The following SCFD2 variants were observed in gnomAD, a reference collection of about 807,000 sequenced individuals.
SCFD2 encodes the protein sec1 family domain-containing protein 2.
A neutral mutation model predicts 58.9 loss-of-function variants in SCFD2; 54 were observed. That is an observed-to-expected ratio of 0.92 (90% CI 0.74 to 1.15). The LOEUF (loss-of-function observed/expected upper bound fraction) is 1.15. Among genes scored for constraint, SCFD2 ranks in the 50% most tolerant of loss-of-function variants. The probability of loss-of-function intolerance (pLI) is 0.00; values close to 1 mark genes in which losing one functional copy is unlikely to be tolerated. For synonymous variants in SCFD2, 321 were observed against 335.9 expected (o/e 0.96, Z 0.49); for missense variants, 805 against 836.6 (o/e 0.96, Z 0.47).
chr4:53,134,028 T>C (rs1038891823), intron 5 of SCFD2, among the ~76,000 whole-genome samples: 1 of 152,214 alleles, frequency 6.6e-6, no homozygotes, highest in African/African-American at 2.4e-5. Flanking sequence ...TTCTGTAATA[T>C]GTGACAACAT....
intron 4 of SCFD2, among the ~76,000 whole-genome samples, chr4:53,243,171 C>G (rs1729954756): frequency 6.6e-6 from 1 of 152,124 alleles, no homozygotes; most frequent in African/African-American, 2.4e-5. Flanking sequence ...CCCCAAGACA[C>G]ATAATTAACA....
At chr4:52,885,340 T>C (rs1718712713) in intron 8 of SCFD2, among the ~76,000 whole-genome samples, 1 of 152,052 alleles carries the variant, frequency 6.6e-6, no homozygotes, top group Non-Finnish European at 1.5e-5. Context: ...AGAATAGGGA[T>C]AACAGTACCT....
intron 5 of SCFD2, chr4:52,948,365 T>C (rs748043842): frequency 1.9e-5 from 6 of 308,256 alleles, no homozygotes; most frequent in African/African-American, 6.6e-5. Context: ...TGCGGCACCA[T>C]AGAAGAAACA....
intron 5 of SCFD2, among the ~76,000 whole-genome samples, chr4:53,088,826 G>A (rs1451859096): frequency 6.6e-6 from 1 of 152,022 alleles, no homozygotes; most frequent in African/African-American, 2.4e-5. Context: ...AATTTTGGGA[G>A]GCAAGGGGTG....
chr4:52,920,506 A>G (rs1006413208), intron 6 of SCFD2, among the ~76,000 whole-genome samples: 1 of 152,092 alleles, frequency 6.6e-6, no homozygotes, highest in African/African-American at 2.4e-5. Flanking sequence ...CTGACTCCCA[A>G]CTCAGTGCTC....
At chr4:53,189,084 T>C (rs989244949) in intron 4 of SCFD2, among the ~76,000 whole-genome samples, 1 of 152,198 alleles carries the variant, frequency 6.6e-6, no homozygotes, top group Non-Finnish European at 1.5e-5. Flanking sequence ...TGACAAGAAT[T>C]ATCAGCCTTA....
At chr4:52,917,604 G>C (rs1719639047) in intron 6 of SCFD2, among the ~76,000 whole-genome samples, 2 of 152,118 alleles carry the variant, frequency 1.3e-5, no homozygotes, top group African/African-American at 4.8e-5. Context: ...TTTAAGTCAA[G>C]AGCTTCTGTG....
chr4:53,138,778 A>G (rs1726017486), intron 5 of SCFD2, among the ~76,000 whole-genome samples: 1 of 152,200 alleles, frequency 6.6e-6, no homozygotes, highest in African/African-American at 2.4e-5. Flanking sequence ...GCCTTTCCAT[A>G]CAAGGGAAGA....
intron 5 of SCFD2, chr4:52,957,075 G>A (rs1475428152): frequency 6.6e-6 from 1 of 152,208 alleles, no homozygotes; most frequent in African/African-American, 2.4e-5. Context: ...GGGGATCAGA[G>A]ACACCCCACA....
At chr4:53,151,673 A>T (rs185329753) in intron 4 of SCFD2, among the ~76,000 whole-genome samples, 8 of 152,316 alleles carry the variant, frequency 5.3e-5, no homozygotes, top group African/African-American at 1.9e-4. Context: ...CATCATGCTA[A>T]GCTTCTGCTG....
intron 4 of SCFD2, among the ~76,000 whole-genome samples, chr4:53,236,808 TTTTATTTATTTATTTATTTA>T (rs141143179): frequency 3.6e-5 from 5 of 138,300 alleles, no homozygotes; most frequent in East Asian, 2.0e-4. Flanking sequence ...AAAGTCACTG[TTTTATTTATTTATTTATTTA>T]TTTATTTATT....
intron 5 of SCFD2, among the ~76,000 whole-genome samples, chr4:52,981,842 G>C (rs977693633): frequency 3.9e-5 from 6 of 152,178 alleles, no homozygotes; most frequent in Non-Finnish European, 7.3e-5. Context: ...CTAGGATCTG[G>C]TCTGTGTTAT....
chr4:52,937,614 A>G (rs187998899), intron 5 of SCFD2, among the ~76,000 whole-genome samples: 16 of 152,296 alleles, frequency 1.1e-4, no homozygotes, highest in Admixed American at 5.9e-4. Flanking sequence ...AAACACAATA[A>G]TCATCCAAAT....
At chr4:53,049,936 C>A (rs182433580) in intron 5 of SCFD2, among the ~76,000 whole-genome samples, 1 of 152,132 alleles carries the variant, frequency 6.6e-6, no homozygotes, top group East Asian at 1.9e-4. Flanking sequence ...CTTTGATTGG[C>A]ATGTATTCAT....
intron 2 of SCFD2, among the ~76,000 whole-genome samples, chr4:53,317,138 A>G (rs1212888578): frequency 6.6e-6 from 1 of 151,994 alleles, no homozygotes; most frequent in African/African-American, 2.4e-5. Context: ...GAATGTCTAG[A>G]TATGTGTGAG....
chr4:53,346,277 CTTT>C (rs58195090), intron 2 of SCFD2, among the ~76,000 whole-genome samples: 1 of 135,244 alleles, frequency 7.4e-6, no homozygotes, highest in Non-Finnish European at 1.6e-5. Context: ...CTTTTTTTTT[CTTT>C]TTTTTTTTTT....
At chr4:53,235,813 G>A (rs936384018) in intron 4 of SCFD2, among the ~76,000 whole-genome samples, 15 of 152,218 alleles carry the variant, frequency 9.9e-5, no homozygotes, top group South Asian at 2.1e-4. Context: ...GCATACATAC[G>A]TGTGTGCATA....
intron 4 of SCFD2, among the ~76,000 whole-genome samples, chr4:53,160,726 C>T (rs1726828454): frequency 6.6e-6 from 1 of 151,992 alleles, no homozygotes; most frequent in East Asian, 1.9e-4. Flanking sequence ...AAGAATGCAC[C>T]AAGAAAACTT....
chr4:53,229,182 A>G (rs1729337668), intron 4 of SCFD2, among the ~76,000 whole-genome samples: 1 of 152,220 alleles, frequency 6.6e-6, no homozygotes, highest in Non-Finnish European at 1.5e-5. Context: ...TATCGTGAAA[A>G]TGGCCATACT....
Sources: allele counts gnomAD v4.1 joint callset (sites outside exome capture counted in the v4.1 genomes callset), GRCh38; gene constraint gnomAD v4.1.1; transcripts MANE v1.5; gene names NCBI Gene and HGNC (gene_info 2026-07-23, HGNC 2026-07-21).